The following ABCA4 variants were observed in gnomAD, a reference collection of about 807,000 sequenced individuals.
ABCA4 encodes retinal-specific phospholipid-transporting ATPase ABCA4.
In ABCA4, 196 loss-of-function variants were observed where a neutral mutation model predicts 263.7. That is an observed-to-expected ratio of 0.74 (90% confidence interval 0.66 to 0.84). The LOEUF (loss-of-function observed/expected upper bound fraction) is 0.84. Among genes scored for constraint, ABCA4 ranks in the 40% least tolerant of loss-of-function variants. ABCA4 has a pLI of 0.00. For missense variants in ABCA4, 2,792 were observed against 2,855.1 expected, an observed-to-expected ratio of 0.98 and a Z score of 0.50; for synonymous variants, 1,133 against 1,094.2, an observed-to-expected ratio of 1.04 and a Z score of -0.70.
In ABCA4 at chr1:94,077,760, G is replaced by T. The variant is rs752765416; in HGVS notation, c.1484C>A (p.Ala495Asp). Residue 495 changes from alanine to aspartate, a missense_variant, in exon 11 of 50, where the codon GCC (alanine) becomes GAC (aspartate). Transcript: ENST00000370225. ...GPRESQADDM[A>D]NFDWRDIFNI... ...AAATATGTCCCTCCAGTCGAAGTTG[G>T]CCATGTCGTCAGCCTGGCTTTCCCG... 7.4e-6 allele frequency: 12 copies of T among 1,614,152 alleles called. No homozygotes were observed. The highest frequency in any genetic ancestry group is 8.5e-6 in the Non-Finnish European group (10 of 1,180,018).
At chr1:94,011,058 A>AGGGATG in intron 39 of ABCA4, 129 bp from the exon 40 acceptor site, 1 of 1,564,314 alleles carries the variant, frequency 6.4e-7, no homozygotes, top group Non-Finnish European at 8.7e-7. Flanking sequence ...CCGCCTCATA[A>AGGGATG]GGGCTGCCCT....
At chr1:94,023,185 C>T (rs1292335259) in intron 32 of ABCA4, among the ~76,000 whole-genome samples, 1 of 152,162 alleles carries the variant, frequency 6.6e-6, no homozygotes, top group Non-Finnish European at 1.5e-5. Flanking sequence ...CACTTATGTC[C>T]TCCAAGAAGA....
In ABCA4 at chr1:94,040,092, G is replaced by A. The variant is rs1449701832; in HGVS notation, c.3558C>T (p.Thr1186=). The change falls in exon 24 of 50, where the codon ACC becomes ACT. Residue 1186 remains threonine, a synonymous_variant. Transcript: ENST00000370225. ...TCSCSSKGFS[T]TCPAHVDDLT... is the part of the protein sequence containing the mutation. ...GGTCATCGACGTGGGCTGGACACGT[G>A]GTGGAGAAACCCTTAGACGAGCAGC... 15 of 1,610,350 alleles carry A rather than the reference G, an allele frequency of 9.3e-6. No individual in the cohort carries two copies. The highest frequency in any genetic ancestry group is 1.3e-5 in the Non-Finnish European group (15 of 1,178,254).
intron 49 of ABCA4, among the ~76,000 whole-genome samples, chr1:93,994,767 T>G (rs985193808): frequency 1.3e-4 from 20 of 152,124 alleles, no homozygotes; most frequent in Non-Finnish European, 2.9e-4. Context: ...AATAGAAAAA[T>G]GATCTCATCC....
intron 11 of ABCA4, among the ~76,000 whole-genome samples, chr1:94,067,845 A>G (rs918821269): frequency 6.6e-6 from 1 of 152,228 alleles, no homozygotes; most frequent in Non-Finnish European, 1.5e-5. Context: ...AAGTTCACTT[A>G]GGAGACACGA....
chr1:94,028,426 A>T (rs910873005), intron 30 of ABCA4, among the ~76,000 whole-genome samples: 25 of 152,238 alleles, frequency 1.6e-4, no homozygotes, highest in Admixed American at 1.6e-3. Context: ...CAAAAGATGG[A>T]TGCTGGCTGT....
At chr1:94,082,372 A>T (rs1661723857) in intron 7 of ABCA4, among the ~76,000 whole-genome samples, 1 of 152,238 alleles carries the variant, frequency 6.6e-6, no homozygotes, top group South Asian at 2.1e-4. Context: ...TTCTACTCAG[A>T]ACTAAGAGTG....
rs776910485 is a variant in ABCA4, at chr1:94,056,799, G to T, written c.2184C>A (p.Ser728Arg). ...FIMHGRILHY[S>R]DPFILFLFLL... ...AGAACAGGAAGAGGATGAATGGGTC[G>T]CTGTAATGTAGGATTCTTCCATGCT... The change falls in exon 15 of 50, where the codon AGC (serine) becomes AGA (arginine). Residue 728 changes from serine to arginine, a missense_variant. By Grantham distance (110) the Ser-to-Arg change is moderately radical. Transcript: ENST00000370225. 1 of 1,608,704 alleles carries T rather than the reference G, an allele frequency of 6.2e-7. No individual in the cohort carries two copies. Among genetic ancestry groups the T allele is most frequent in the Non-Finnish European group, 8.5e-7 (1 of 1,177,398 alleles).
At chr1:94,002,383 C>T (rs997037336) in intron 44 of ABCA4, among the ~76,000 whole-genome samples, 29 of 152,224 alleles carry the variant, frequency 1.9e-4, no homozygotes, top group Admixed American at 1.7e-3. Flanking sequence ...GAGGGTTACA[C>T]CCAAAGCCTT....
chr1:93,994,997 G>C (rs921415130), intron 49 of ABCA4, among the ~76,000 whole-genome samples: 3 of 152,178 alleles, frequency 2.0e-5, no homozygotes, highest in Non-Finnish European at 4.4e-5. Flanking sequence ...AACTGCAAGT[G>C]GTTTTTAAAA....
intron 38 of ABCA4, among the ~76,000 whole-genome samples, chr1:94,013,918 A>G (rs1659646069): frequency 6.6e-6 from 1 of 152,186 alleles, no homozygotes. Context: ...TTGCCTCTGG[A>G]GAAGAGAACT....
intron 22 of ABCA4, among the ~76,000 whole-genome samples, chr1:94,041,769 G>A (rs150244038): frequency 5.3e-5 from 8 of 152,210 alleles, no homozygotes; most frequent in African/African-American, 1.2e-4. Flanking sequence ...GAACACACAC[G>A]TGCATACTCT....
At position 94,080,559 on chromosome 1, in the gene ABCA4, A is replaced by G. The variant is rs61748548; in HGVS notation, c.1018T>C (p.Tyr340His). Reference sequence around the variant, plus strand: ...AAGGCCTTATAGTTATTGTCTTCATACCAGTTGAAGGAGAGCACCCGAGAG... The same window carrying G: ...AAGGCCTTATAGTTATTGTCTTCATGCCAGTTGAAGGAGAGCACCCGAGAG... ...GGSRVLSFNW[Y>H]EDNNYKAFLG... Residue 340 changes from tyrosine (Y) to histidine (H), a missense_variant, in exon 8 of 50, where the codon TAT becomes CAT. Tyr to His is a moderately conservative substitution (Grantham distance 83). Transcript: ENST00000370225. 5.0e-6 allele frequency: 8 copies of G among 1,614,116 alleles called. No individual in the cohort carries two copies. The highest frequency in any genetic ancestry group is 1.6e-4 in the Middle Eastern group (1 of 6,062).
intron 29 of ABCA4, among the ~76,000 whole-genome samples, chr1:94,029,849 A>T (rs1660148819): frequency 6.6e-6 from 1 of 152,080 alleles, no homozygotes; most frequent in African/African-American, 2.4e-5. Flanking sequence ...TAGCTTGTGG[A>T]TCGTTTTGTC....
At chr1:94,116,279 C>A (rs1662757195) in intron 1 of ABCA4, among the ~76,000 whole-genome samples, 1 of 151,756 alleles carries the variant, frequency 6.6e-6, no homozygotes, top group South Asian at 2.1e-4. Flanking sequence ...GCCTATAGTC[C>A]CCGCCCCTCA....
At chr1:94,095,638 C>A (rs541826952) in intron 6 of ABCA4, among the ~76,000 whole-genome samples, 70 of 152,178 alleles carry the variant, frequency 4.6e-4, no homozygotes, top group Non-Finnish European at 8.2e-4. Context: ...GGAGGGTCTG[C>A]CCTGAGCCTT....
intron 11 of ABCA4, among the ~76,000 whole-genome samples, chr1:94,074,858 T>C (rs1320026506): frequency 6.6e-6 from 1 of 152,226 alleles, no homozygotes; most frequent in Non-Finnish European, 1.5e-5. Flanking sequence ...ATCATTCTAC[T>C]ATAAAAATAC....
intron 5 of ABCA4, among the ~76,000 whole-genome samples, chr1:94,101,620 T>G (rs1662288553): frequency 6.6e-6 from 1 of 152,210 alleles, no homozygotes; most frequent in South Asian, 2.1e-4. Flanking sequence ...CAGACCTTGA[T>G]CTCAGGGTTA....
chr1:94,017,138 T>C (rs1014385976), intron 36 of ABCA4, among the ~76,000 whole-genome samples: 3 of 152,034 alleles, frequency 2.0e-5, no homozygotes, highest in Non-Finnish European at 2.9e-5. Flanking sequence ...AAATGGAAAA[T>C]TGTATAATGA....
Sources: allele counts gnomAD v4.1 joint callset (sites outside exome capture counted in the v4.1 genomes callset), GRCh38; gene constraint gnomAD v4.1.1; transcripts MANE v1.5; gene names NCBI Gene and HGNC (gene_info 2026-07-23, HGNC 2026-07-21).